The following SUPT7L variants were observed in gnomAD, a reference collection of about 807,000 sequenced individuals.
The protein encoded by SUPT7L is SPT7 like, STAGA complex subunit gamma.
Under a neutral mutation model 35.7 loss-of-function variants are expected in SUPT7L, and 15 were observed. That is an observed-to-expected ratio of 0.42 (90% CI 0.28 to 0.65). The LOEUF (loss-of-function observed/expected upper bound fraction) is 0.65. SUPT7L is among the 30% of genes least tolerant of loss of function. The pLI is 0.23. For missense variants in SUPT7L, 434 were observed against 522.2 expected, an observed-to-expected ratio of 0.83 and a Z score of 1.65; for synonymous variants, 168 against 186.2, an observed-to-expected ratio of 0.90 and a Z score of 0.79.
rs1360215691 is a variant in SUPT7L, at chr2:27,653,134, T to C, written c.*351A>G. On this transcript the variant is annotated 3_prime_UTR_variant, in exon 6 of 6. Transcript: ENST00000337768. ...GTTAGCAAACATCTAAATCCTCACA[T>C]CTCTACAAGGTAGGTCAAAGTATGA... 2 of 242,738 alleles carry C rather than the reference T, an allele frequency of 8.2e-6. No homozygotes were observed. The highest frequency in any genetic ancestry group is 1.6e-5 in the Non-Finnish European group (2 of 123,074). 15.0% of individuals were successfully genotyped at this position (242,738 alleles called of 1,614,324 possible). A position where few individuals can be genotyped will look rare whatever the true frequency, so the allele number is the denominator to read the frequency against.
At chr2:27,646,142 A>G (rs13420527), downstream of SUPT7L, among the ~76,000 whole-genome samples, 1,363 of 152,282 alleles carry the variant, frequency 9.0e-3, 18 homozygotes, top group African/African-American at 0.03. Context: ...CCCGGGTTCA[A>G]GCGATTGTTG....
rs758373498 is a variant in SUPT7L at position 27,651,133 on chromosome 2, T to C, written c.*2352A>G. 12 of 152,380 alleles carry C rather than the reference T, an allele frequency of 7.9e-5. No homozygotes were observed. Among genetic ancestry groups the C allele is most frequent in the Non-Finnish European group, 1.5e-4 (10 of 68,042 alleles). 9.4% of individuals were successfully genotyped at this position (152,380 alleles called of 1,614,324 possible). On this transcript the variant is annotated 3_prime_UTR_variant, in exon 6 of 6. Transcript: ENST00000337768. ...TCATACATAACAGCCCTTATAAACGTTTGCCCTGCCTCCACATTTTACAGT... is the reference window on the plus strand; with the variant it reads ...TCATACATAACAGCCCTTATAAACGCTTGCCCTGCCTCCACATTTTACAGT...
At position 27,660,021 on chromosome 2, in the gene SUPT7L, G is replaced by C. The variant is rs563555493; in HGVS notation, c.419+963C>G. 2.0e-5 allele frequency among the ~76,000 whole-genome samples: 3 copies of C among 152,138 alleles called. No homozygotes were observed. In the South Asian group the frequency reaches 6.2e-4, roughly 32 times the overall value. On this transcript the variant is annotated intron_variant, in intron 3 of 5. Coordinates refer to ENST00000337768, the MANE Select transcript of SUPT7L (RefSeq NM_014860.3). The stretch of plus-strand genomic sequence containing the variant: ...AGTAGCAGCTCTAGGTTATAAGGCA[G>C]TCACGTTCAGAGGATGTGGAGCAGA...
chr2:27,657,241 C>T lies in SUPT7L; in HGVS notation c.744+104G>A. ...AAAGTATGTTAAGTTCACTCTGTTCCAAGACTCTGTGCTCTGCACTCTAGA... is the reference window on the plus strand; with the variant it reads ...AAAGTATGTTAAGTTCACTCTGTTCTAAGACTCTGTGCTCTGCACTCTAGA... On this transcript the variant is annotated intron_variant, in intron 4 of 5. Coordinates refer to ENST00000337768, the MANE Select transcript of SUPT7L (RefSeq NM_014860.3). The surrounding 1 kb of genome is among the most constrained non-coding windows in gnomAD (Gnocchi z 5.2). The T allele has an allele frequency of 2.3e-6, 3 of 1,281,476 alleles. No homozygotes were observed. The highest frequency in any genetic ancestry group is 1.5e-5 in the African/African-American group (1 of 67,206). 79.4% of individuals were successfully genotyped at this position (1,281,476 alleles called of 1,614,324 possible).
At chr2:27,661,455 G>C in intron 2 of SUPT7L, 67 bp from the exon 3 acceptor site, 1 of 1,597,612 alleles carries the variant, frequency 6.3e-7, no homozygotes, top group Non-Finnish European at 8.5e-7. Flanking sequence ...TAAAAGTAAT[G>C]TGTTTAAATC....
At chr2:27,662,375 A>C in intron 1 of SUPT7L, 94 bp from the exon 2 acceptor site, 1 of 601,040 alleles carries the variant, frequency 1.7e-6, no homozygotes, top group Admixed American at 3.0e-5. Context: ...TACTGGAAGC[A>C]CAAAGGAGGA....
At chr2:27,643,009 A>C in the SUPT7L span, among the ~76,000 whole-genome samples, 6 of 151,364 alleles carry the variant, frequency 4.0e-5, no homozygotes, top group African/African-American at 1.5e-4. This position sits in a 1 kb window ranked among gnomAD's most constrained non-coding sequence, Gnocchi z 4.0. Flanking sequence ...ATATGCATAC[A>C]TATATATTAA....
At chr2:27,650,435 G>A (rs941550477), downstream of SUPT7L, 21 of 319,130 alleles carry the variant, frequency 6.6e-5, no homozygotes, top group Admixed American at 9.3e-4. Context: ...ATTTATGCAA[G>A]GAAGGATATA....
At chr2:27,658,399 T>C (rs1004824021) in intron 3 of SUPT7L, among the ~76,000 whole-genome samples, 1 of 152,200 alleles carries the variant, frequency 6.6e-6, no homozygotes, top group Non-Finnish European at 1.5e-5. Context: ...TCCTGCATAA[T>C]ACACCATTTT....
intron 1 of SUPT7L, among the ~76,000 whole-genome samples, chr2:27,662,940 T>C (rs1363897443): frequency 6.9e-6 from 1 of 145,750 alleles, no homozygotes; most frequent in Non-Finnish European, 1.5e-5. Context: ...CCATCAAACC[T>C]GGATTTTTTC....
intron 5 of SUPT7L, 80 bp from the exon 6 acceptor site, chr2:27,653,827 A>G: frequency 6.5e-7 from 1 of 1,533,112 alleles, no homozygotes; most frequent in Non-Finnish European, 8.9e-7. Context: ...TATATCACTC[A>G]GAACCAACTA....
intron 3 of SUPT7L, among the ~76,000 whole-genome samples, 190 bp downstream of exon 3, chr2:27,660,794 C>A (rs1675061658): frequency 6.6e-6 from 1 of 152,134 alleles, no homozygotes; most frequent in Non-Finnish European, 1.5e-5. Flanking sequence ...TTAAAAAATA[C>A]AGACCCTGAA....
chr2:27,644,071 T>C, the SUPT7L span, among the ~76,000 whole-genome samples: 72 of 152,264 alleles, frequency 4.7e-4, no homozygotes, highest in African/African-American at 1.7e-3. Context: ...TTCCAGCTAC[T>C]CGCTGAGGCT....
chr2:27,650,456 A>G (rs1367295501), downstream of SUPT7L: 1 of 247,858 alleles, frequency 4.0e-6, no homozygotes, highest in Non-Finnish European at 7.9e-6. Context: ...CTGAGCTGAT[A>G]CTCTTCCAAG....
At chr2:27,643,342 TTA>T in the SUPT7L span, among the ~76,000 whole-genome samples, 595 of 152,058 alleles carry the variant, frequency 3.9e-3, 2 homozygotes, top group African/African-American at 0.014. The surrounding 1 kb of genome is among the most constrained non-coding windows in gnomAD (Gnocchi z 4.0). Flanking sequence ...ATATATGACT[TTA>T]TATGTTATAT....
chr2:27,657,686 G>A lies in SUPT7L; in HGVS notation c.420-17C>T, dbSNP rs750298851. ...CCTTTCCCACTGAAAGTGGAGATACGGTGGTGTTATTAATGTTCTTGCAAA... is the reference window on the plus strand; with the variant it reads ...CCTTTCCCACTGAAAGTGGAGATACAGTGGTGTTATTAATGTTCTTGCAAA... On this transcript the variant is annotated splice_polypyrimidine_tract_variant and intron_variant, in intron 3 of 5. Coordinates refer to ENST00000337768, the MANE Select transcript of SUPT7L (RefSeq NM_014860.3). The surrounding 1 kb of genome is among the most constrained non-coding windows in gnomAD (Gnocchi z 5.2). 22 of 1,600,452 alleles carry A rather than the reference G, an allele frequency of 1.4e-5. No individual in the cohort carries two copies. Among genetic ancestry groups the A allele is most frequent in the East Asian group, 9.0e-5 (4 of 44,638 alleles).
chr2:27,643,525 C>T, the SUPT7L span, among the ~76,000 whole-genome samples: 3 of 152,200 alleles, frequency 2.0e-5, no homozygotes, highest in East Asian at 1.9e-4. The surrounding 1 kb of genome is among the most constrained non-coding windows in gnomAD (Gnocchi z 4.0). Flanking sequence ...TATTAGCTAA[C>T]ATATAGATCT....
chr2:27,658,988 G>A (rs1674925796), intron 3 of SUPT7L, among the ~76,000 whole-genome samples: 2 of 152,140 alleles, frequency 1.3e-5, no homozygotes, highest in Non-Finnish European at 2.9e-5. Flanking sequence ...GATGGTCATG[G>A]CTCTTACTAT....
At chr2:27,655,190 G>A (rs914026202) in intron 5 of SUPT7L, among the ~76,000 whole-genome samples, 175 bp downstream of exon 5, 1 of 152,182 alleles carries the variant, frequency 6.6e-6, no homozygotes. Context: ...TCACTAATTA[G>A]AAAGAGAAGA....
Sources: allele counts gnomAD v4.1 joint callset (sites outside exome capture counted in the v4.1 genomes callset), GRCh38; gene constraint gnomAD v4.1.1; non-coding constraint Gnocchi (gnomAD v3.1); transcripts MANE v1.5; gene names NCBI Gene and HGNC (gene_info 2026-07-23, HGNC 2026-07-21).